The following PTPRD variants were observed in gnomAD, a reference collection of about 807,000 sequenced individuals.
PTPRD encodes the protein protein tyrosine phosphatase receptor type D.
A neutral mutation model predicts 214.5 loss-of-function variants in PTPRD; 34 were observed. The ratio of observed to expected loss-of-function variants is 0.16; its 90% confidence interval spans 0.12 to 0.21. The LOEUF is 0.21. Among genes scored for constraint, PTPRD ranks in the 10% least tolerant of loss-of-function variants. The pLI is 1.00. For synonymous variants in PTPRD, 1,128 were observed against 845.7 expected (o/e 1.33, Z -5.79); for missense variants, 2,545 against 2,398.7 (o/e 1.06, Z -1.27).
chr9:9,853,817 A>C lies in PTPRD; in HGVS notation c.-368+84690T>G, dbSNP rs573660382. Among the ~76,000 whole-genome samples the C allele has an allele frequency of 2.1e-3, 319 of 152,250 alleles. 2 individuals carry two copies. The highest frequency in any genetic ancestry group is 7.3e-3 in the African/African-American group (305 of 41,540). Reference sequence around the variant, plus strand: ...ATGATCCGCCCGCCTCAGCCTCCCAAAGTGCTGAGATTATAGGCGTGAGCC... The same window carrying C: ...ATGATCCGCCCGCCTCAGCCTCCCACAGTGCTGAGATTATAGGCGTGAGCC... On this transcript the variant is annotated intron_variant, in intron 5 of 45. Transcript: ENST00000381196.
chr9:8,433,996 T>A (rs1267129206), intron 35 of PTPRD, among the ~76,000 whole-genome samples: 1 of 151,860 alleles, frequency 6.6e-6, no homozygotes, highest in Non-Finnish European at 1.5e-5. Context: ...TGCTTGTTTG[T>A]TTGTTTGTTT....
intron 3 of PTPRD, among the ~76,000 whole-genome samples, chr9:10,261,230 A>G (rs951754950): frequency 1.3e-5 from 2 of 151,660 alleles, no homozygotes; most frequent in Non-Finnish European, 2.9e-5. Context: ...AGGATCATAG[A>G]AACTAGACAC....
At chr9:8,476,544 C>T (rs1215284195) in intron 30 of PTPRD, among the ~76,000 whole-genome samples, 1 of 152,136 alleles carries the variant, frequency 6.6e-6, no homozygotes, top group Admixed American at 6.5e-5. Flanking sequence ...ATTCTCTCTC[C>T]TTAAATATCT....
intron 11 of PTPRD, among the ~76,000 whole-genome samples, chr9:8,973,273 C>A (rs79076140): frequency 5.3e-5 from 8 of 151,842 alleles, no homozygotes; most frequent in Admixed American, 2.0e-4. Flanking sequence ...TATGTCCCTG[C>A]GCGCTCAATG....
intron 3 of PTPRD, among the ~76,000 whole-genome samples, chr9:10,159,019 C>T (rs572619025): frequency 6.6e-6 from 1 of 152,148 alleles, no homozygotes; most frequent in African/African-American, 2.4e-5. Context: ...TTCCACTGGT[C>T]CCCCTGGGCA....
At chr9:10,394,852 A>C (rs1389461221) in intron 2 of PTPRD, among the ~76,000 whole-genome samples, 1 of 151,910 alleles carries the variant, frequency 6.6e-6, no homozygotes, top group African/African-American at 2.4e-5. Flanking sequence ...TATTTTAGGT[A>C]CCAAGATGGT....
At chr9:8,328,769 A>G (rs1356090655) in intron 44 of PTPRD, among the ~76,000 whole-genome samples, 1 of 151,622 alleles carries the variant, frequency 6.6e-6, no homozygotes, top group South Asian at 2.1e-4. Context: ...GCTTTATTTC[A>G]TTGAGTTGAT....
intron 3 of PTPRD, among the ~76,000 whole-genome samples, chr9:10,245,023 A>G (rs1356096478): frequency 1.3e-5 from 2 of 152,192 alleles, no homozygotes; most frequent in Non-Finnish European, 2.9e-5. Flanking sequence ...GCATTTTAGA[A>G]CATTCACACA....
At chr9:8,396,025 A>C (rs2135997288) in intron 36 of PTPRD, among the ~76,000 whole-genome samples, 1 of 152,224 alleles carries the variant, frequency 6.6e-6, no homozygotes, top group African/African-American at 2.4e-5. Context: ...TATACTAATA[A>C]GGAGGCAATT....
At chr9:10,196,167 A>T (rs907183488) in intron 3 of PTPRD, among the ~76,000 whole-genome samples, 2 of 152,196 alleles carry the variant, frequency 1.3e-5, no homozygotes, top group African/African-American at 4.8e-5. Context: ...ATTGTACATA[A>T]ATAATGGTTT....
intron 10 of PTPRD, among the ~76,000 whole-genome samples, chr9:9,135,821 G>A (rs984586502): frequency 6.6e-6 from 1 of 151,302 alleles, no homozygotes; most frequent in Non-Finnish European, 1.5e-5. Context: ...GTCACAACTA[G>A]AAATATTCAG....
chr9:8,662,727 T>C (rs942916332), intron 12 of PTPRD, among the ~76,000 whole-genome samples: 2 of 152,186 alleles, frequency 1.3e-5, no homozygotes, highest in East Asian at 3.8e-4. Context: ...CTGGACCCTG[T>C]AAGCATCTGA....
At chr9:9,769,225 T>C (rs1039682990) in intron 5 of PTPRD, among the ~76,000 whole-genome samples, 1 of 150,010 alleles carries the variant, frequency 6.7e-6, no homozygotes, top group Non-Finnish European at 1.5e-5. Context: ...TTTTGTAAAC[T>C]ACATTTTAAC....
At chr9:9,903,455 C>G (rs565930401) in intron 5 of PTPRD, among the ~76,000 whole-genome samples, 1 of 152,106 alleles carries the variant, frequency 6.6e-6, no homozygotes, top group South Asian at 2.1e-4. Flanking sequence ...ATTGATAAAG[C>G]ACTTAGAATT....
At chr9:10,317,482 G>A (rs1019124940) in intron 3 of PTPRD, among the ~76,000 whole-genome samples, 2 of 151,814 alleles carry the variant, frequency 1.3e-5, no homozygotes, top group Admixed American at 1.3e-4. Context: ...TATAATGCCT[G>A]GAAACTAGAG....
Position 9,512,356 on chromosome 9 carries a change from G to C in PTPRD, c.-237+62376C>G, listed in dbSNP as rs75536004. Reference sequence around the variant, plus strand: ...GGGGGTAAAAGGTTATTTTTAAAAGGCTTCTAAGCAAGAAAAATATAATCT... The same window carrying C: ...GGGGGTAAAAGGTTATTTTTAAAAGCCTTCTAAGCAAGAAAAATATAATCT... On this transcript the variant is annotated intron_variant, in intron 8 of 45. Coordinates refer to ENST00000381196, the MANE Select transcript of PTPRD (RefSeq NM_002839.4). 2.7e-4 allele frequency among the ~76,000 whole-genome samples: 41 copies of C among 151,812 alleles called. No homozygotes were observed. In the East Asian group the frequency reaches 5.5e-3, roughly 20 times the overall value.
chr9:9,914,821 C>G (rs2080237570), intron 5 of PTPRD, among the ~76,000 whole-genome samples: 1 of 152,026 alleles, frequency 6.6e-6, no homozygotes, highest in Non-Finnish European at 1.5e-5. Flanking sequence ...GCAAATATGC[C>G]CCCAAACTAG....
At position 10,015,141 on chromosome 9, in the gene PTPRD, T is replaced by C. The variant is rs544979381; in HGVS notation, c.-472+18577A>G. ...TTACTTTTATGGCTTTCAGTTTCAATTGGATTTTATAGGCTTAATGGCTTG... is the reference window on the plus strand; with the variant it reads ...TTACTTTTATGGCTTTCAGTTTCAACTGGATTTTATAGGCTTAATGGCTTG... On this transcript the variant is annotated intron_variant, in intron 4 of 45. Coordinates refer to ENST00000381196, the MANE Select transcript of PTPRD (RefSeq NM_002839.4). Among the ~76,000 whole-genome samples the C allele has an allele frequency of 5.9e-5, 9 of 152,280 alleles. No individual in the cohort carries two copies. The South Asian group carries it at 1.9e-3, about 32-fold the overall frequency.
At chr9:8,682,518 T>C (rs1299673663) in intron 12 of PTPRD, among the ~76,000 whole-genome samples, 1 of 151,196 alleles carries the variant, frequency 6.6e-6, no homozygotes, top group Non-Finnish European at 1.5e-5. Flanking sequence ...ATTTTTGCAA[T>C]TAAAAAGAAA....
Sources: gnomAD v4.1 joint callset for allele counts (sites outside exome capture counted in the v4.1 genomes callset) on GRCh38, gnomAD v4.1.1 for gene constraint, MANE v1.5 for transcripts, NCBI Gene and HGNC (gene_info 2026-07-23, HGNC 2026-07-21) for gene names.